Variants in CA10 observed in about 807,000 individuals in gnomAD.
CA10 encodes carbonic anhydrase 10 (inactive).
CA10 carries 14 observed loss-of-function variants against 44.2 expected under a neutral mutation model. The ratio of observed to expected loss-of-function variants is 0.32; its 90% CI spans 0.21 to 0.50. The LOEUF is 0.50. CA10 is among the 20% of genes least tolerant of loss of function. The probability of loss-of-function intolerance (pLI) is 0.99; values close to 1 mark genes in which losing one functional copy is unlikely to be tolerated. For synonymous variants in CA10, 159 were observed against 141.6 expected, an observed-to-expected ratio of 1.12 and a Z score of -0.87; for missense variants, 350 against 409.7, an observed-to-expected ratio of 0.85 and a Z score of 1.26.
intron 5 of CA10, among the ~76,000 whole-genome samples, chr17:51,653,165 T>C (rs1032227924): frequency 4.6e-5 from 7 of 152,130 alleles, no homozygotes; most frequent in South Asian, 2.1e-4. Flanking sequence ...GAGAGAAAGA[T>C]GATGCTCAGA....
intron 1 of CA10, among the ~76,000 whole-genome samples, chr17:52,084,307 T>C (rs1324960326): frequency 6.6e-6 from 1 of 152,224 alleles, no homozygotes; most frequent in Non-Finnish European, 1.5e-5. Flanking sequence ...GGCAGATTTA[T>C]TTTTTATGTA....
At chr17:51,899,523 G>T in intron 3 of CA10, among the ~76,000 whole-genome samples, 1 of 148,776 alleles carries the variant, frequency 6.7e-6, no homozygotes, top group Non-Finnish European at 1.5e-5. Flanking sequence ...TGTATATACT[G>T]TTGTTTTTGG....
intron 4 of CA10, among the ~76,000 whole-genome samples, chr17:51,675,944 G>A (rs994656296): frequency 7.6e-6 from 1 of 130,856 alleles, no homozygotes; most frequent in African/African-American, 2.9e-5. Context: ...CTTTTGAGAA[G>A]GATCTACACA....
At chr17:51,762,530 C>T (rs1905244010) in intron 3 of CA10, 1 of 152,158 alleles carries the variant, frequency 6.6e-6, no homozygotes, top group Non-Finnish European at 1.5e-5. Context: ...GTCATGAGTC[C>T]AGTGTTCCCA....
chr17:51,934,323 C>T (rs963315029), intron 2 of CA10, among the ~76,000 whole-genome samples: 4 of 151,854 alleles, frequency 2.6e-5, no homozygotes, highest in Non-Finnish European at 2.9e-5. Flanking sequence ...GAGTAAAGAA[C>T]ATTACTCAAG....
At chr17:52,092,973 C>T (rs12450865) in intron 1 of CA10, among the ~76,000 whole-genome samples, 52,593 of 151,920 alleles carry the variant, frequency 0.35, 10,604 homozygotes, top group East Asian at 0.68. Context: ...AGCAAAACAA[C>T]GTATAGTAGG....
chr17:51,696,773 G>A (rs1030934100), intron 4 of CA10, among the ~76,000 whole-genome samples: 1 of 152,018 alleles, frequency 6.6e-6, no homozygotes. Context: ...ACAGATTTTG[G>A]CATGTTCTGT....
At chr17:52,103,298 C>T (rs1988583859) in intron 1 of CA10, among the ~76,000 whole-genome samples, 1 of 152,190 alleles carries the variant, frequency 6.6e-6, no homozygotes, top group Admixed American at 6.5e-5. Flanking sequence ...TTTTCAGTGA[C>T]CACAAGCTCT....
intron 1 of CA10, among the ~76,000 whole-genome samples, chr17:52,154,427 CAAAG>C (rs1193673847): frequency 2.0e-5 from 3 of 152,054 alleles, no homozygotes; most frequent in African/African-American, 7.2e-5. Flanking sequence ...AATAAACTGA[CAAAG>C]AAGTAAAGTT....
intron 4 of CA10, among the ~76,000 whole-genome samples, chr17:51,725,765 C>G (rs982448299): frequency 6.6e-6 from 1 of 152,172 alleles, no homozygotes; most frequent in Non-Finnish European, 1.5e-5. Flanking sequence ...TGTTCACAGT[C>G]AGCTGTAATG....
intron 2 of CA10, among the ~76,000 whole-genome samples, chr17:52,010,428 G>A (rs1985749459): frequency 6.6e-6 from 1 of 151,852 alleles, no homozygotes; most frequent in Non-Finnish European, 1.5e-5. Context: ...ATACACCATG[G>A]AATACTACTC....
At chr17:51,996,897 C>T (rs1985255683) in intron 2 of CA10, among the ~76,000 whole-genome samples, 1 of 152,030 alleles carries the variant, frequency 6.6e-6, no homozygotes, top group Admixed American at 6.6e-5. Flanking sequence ...AAAACGTCAC[C>T]AAGAGAACTT....
chr17:52,094,795 T>C (rs1988362404), intron 1 of CA10, among the ~76,000 whole-genome samples: 1 of 152,104 alleles, frequency 6.6e-6, no homozygotes, highest in Admixed American at 6.6e-5. Flanking sequence ...CTAAAATTAA[T>C]ACAATGGATA....
At chr17:51,973,303 A>G (rs1463061460) in intron 2 of CA10, among the ~76,000 whole-genome samples, 2 of 152,174 alleles carry the variant, frequency 1.3e-5, no homozygotes, top group African/African-American at 2.4e-5. Flanking sequence ...TGCAAGGAGG[A>G]GCATTCTCAG....
intron 4 of CA10, among the ~76,000 whole-genome samples, chr17:51,727,882 T>A (rs1048834631): frequency 2.0e-5 from 3 of 151,946 alleles, no homozygotes; most frequent in Non-Finnish European, 4.4e-5. Flanking sequence ...TTTTTTTTTT[T>A]AAAGACTTAA....
intron 3 of CA10, among the ~76,000 whole-genome samples, chr17:51,891,651 G>A (rs1368332549): frequency 6.6e-6 from 1 of 152,228 alleles, no homozygotes; most frequent in Admixed American, 6.5e-5. Context: ...TGAGAAAGCA[G>A]TTGGTTTACT....
intron 3 of CA10, chr17:51,762,617 G>A (rs1450540959): frequency 6.6e-6 from 1 of 152,158 alleles, no homozygotes; most frequent in Non-Finnish European, 1.5e-5. Flanking sequence ...AACACCCACT[G>A]TGTGACAGAT....
chr17:51,678,080 C>T (rs1193259371), intron 4 of CA10, among the ~76,000 whole-genome samples: 2 of 152,118 alleles, frequency 1.3e-5, no homozygotes, highest in African/African-American at 4.8e-5. Context: ...AATGACAATA[C>T]ATGCTACAAT....
At chr17:51,754,388 CTG>C (rs1446990419) in intron 3 of CA10, among the ~76,000 whole-genome samples, 20 of 99,410 alleles carry the variant, frequency 2.0e-4, no homozygotes, top group Non-Finnish European at 3.6e-4. Context: ...ATACATACTA[CTG>C]TGTGTGTGTG....
Sources: allele counts gnomAD v4.1 joint callset (sites outside exome capture counted in the v4.1 genomes callset), GRCh38; gene constraint gnomAD v4.1.1; transcripts MANE v1.5; gene names NCBI Gene and HGNC (gene_info 2026-07-23, HGNC 2026-07-21).